Variants in COL13A1 observed in about 807,000 individuals in gnomAD.
COL13A1 encodes the protein collagen type XIII alpha 1 chain.
A neutral mutation model predicts 130.9 loss-of-function variants in COL13A1; 89 were observed. The observed-to-expected ratio is 0.68, with a 90% CI of 0.57 to 0.81. COL13A1 has a LOEUF of 0.81. Among genes scored for constraint, COL13A1 ranks in the 30% least tolerant of loss-of-function variants. The pLI is 0.00. For synonymous variants in COL13A1, 402 were observed against 341.6 expected, an observed-to-expected ratio of 1.18 and a Z score of -1.95; for missense variants, 879 against 934.6, an observed-to-expected ratio of 0.94 and a Z score of 0.78.
intron 2 of COL13A1, among the ~76,000 whole-genome samples, chr10:69,846,936 C>A (rs779592507): frequency 3.3e-4 from 51 of 152,338 alleles, no homozygotes; most frequent in Non-Finnish European, 6.3e-4. Context: ...TGCTTCCCAG[C>A]GGGAGCCACG....
At chr10:69,937,850 C>A in intron 34 of COL13A1, 135 bp downstream of exon 34, 1 of 595,414 alleles carries the variant, frequency 1.7e-6, no homozygotes, top group South Asian at 2.1e-5. Context: ...GTCTTTCCCA[C>A]CTGGGCAAGA....
intron 2 of COL13A1, among the ~76,000 whole-genome samples, chr10:69,863,677 C>T (rs1280160271): frequency 6.6e-6 from 1 of 152,174 alleles, no homozygotes; most frequent in African/African-American, 2.4e-5. Context: ...CCAGCCGCCC[C>T]TTCCACCCCT....
At chr10:69,947,213 G>A in intron 37 of COL13A1, 94 bp from the exon 38 acceptor site, 1 of 1,081,986 alleles carries the variant, frequency 9.2e-7, no homozygotes, top group South Asian at 1.3e-5. Context: ...AGTGAGTGAG[G>A]CATTGGGAGA....
chr10:69,808,344 C>A (rs966481579), intron 1 of COL13A1, among the ~76,000 whole-genome samples: 4 of 152,212 alleles, frequency 2.6e-5, no homozygotes, highest in African/African-American at 9.7e-5. Context: ...ACCACTCCAA[C>A]CCAATGTGGG....
chr10:69,946,738 A>G lies in COL13A1; in HGVS notation c.2023-569A>G, dbSNP rs550229992. Among the ~76,000 whole-genome samples the G allele has an allele frequency of 7.9e-4, 121 of 152,282 alleles. 1 individual carries two copies. Among genetic ancestry groups the G allele is most frequent in the African/African-American group, 2.8e-3 (117 of 41,576 alleles). On this transcript the variant is annotated intron_variant, in intron 37 of 40. Coordinates refer to ENST00000645393, the MANE Select transcript of COL13A1 (RefSeq NM_001368882.1). The stretch of plus-strand genomic sequence containing the variant: ...AGTGACCTCGGGAAAACCCAGCCAC[A>G]GGCCAGGACCTGGGCTGGAGAGGTG...
chr10:69,847,191 T>A (rs1218310826), intron 2 of COL13A1, among the ~76,000 whole-genome samples: 1 of 152,198 alleles, frequency 6.6e-6, no homozygotes, highest in Admixed American at 6.5e-5. Flanking sequence ...AGCTAGAAAT[T>A]CTTATGCTCA....
chr10:69,942,674 G>A (rs760453736), intron 35 of COL13A1, among the ~76,000 whole-genome samples: 8 of 152,198 alleles, frequency 5.3e-5, no homozygotes, highest in South Asian at 2.1e-4. Context: ...TGCTTGCTAC[G>A]CATTCATGCA....
chr10:69,863,047 C>T (rs1858646619), intron 2 of COL13A1, among the ~76,000 whole-genome samples: 1 of 152,168 alleles, frequency 6.6e-6, no homozygotes, highest in African/African-American at 2.4e-5. Flanking sequence ...TAAGGGCGTG[C>T]GTCCTAGGGA....
Position 69,802,119 on chromosome 10 carries a change from G to T in COL13A1, c.-305G>T, listed in dbSNP as rs1288756204. On this transcript the variant is annotated 5_prime_UTR_variant, in exon 1 of 41. Transcript: ENST00000645393. Reference sequence around the variant, plus strand: ...CAACTGCTCTGCAGACACTTGAAGGGAAAGACTGGGCGGAGAGAAGGAGAG... The same window carrying T: ...CAACTGCTCTGCAGACACTTGAAGGTAAAGACTGGGCGGAGAGAAGGAGAG... The T allele has an allele frequency of 1.2e-5, 4 of 336,938 alleles. No individual in the cohort carries two copies. Among genetic ancestry groups the T allele is most frequent in the Middle Eastern group, 7.8e-4 (1 of 1,276 alleles). 20.9% of individuals were successfully genotyped at this position (336,938 alleles called of 1,614,324 possible). A position where few individuals can be genotyped will look rare whatever the true frequency, so the allele number is the denominator to read the frequency against.
At chr10:69,850,875 T>C (rs1272903671) in intron 2 of COL13A1, among the ~76,000 whole-genome samples, 1 of 151,902 alleles carries the variant, frequency 6.6e-6, no homozygotes, top group African/African-American at 2.4e-5. Context: ...ATGAAGGGGG[T>C]TCTTGGACAA....
At chr10:69,901,252 C>A (rs1215640348) in intron 14 of COL13A1, among the ~76,000 whole-genome samples, 1 of 152,212 alleles carries the variant, frequency 6.6e-6, no homozygotes, top group Non-Finnish European at 1.5e-5. Flanking sequence ...GCCATGGACA[C>A]CCTGAGCCCT....
At chr10:69,846,238 A>C (rs897938448) in intron 2 of COL13A1, among the ~76,000 whole-genome samples, 20 of 152,208 alleles carry the variant, frequency 1.3e-4, no homozygotes, top group Admixed American at 9.8e-4. Context: ...GGTGGTCCCA[A>C]GACAGGGTCC....
chr10:69,855,928 T>A (rs1856329947), intron 2 of COL13A1, among the ~76,000 whole-genome samples: 1 of 152,126 alleles, frequency 6.6e-6, no homozygotes, highest in South Asian at 2.1e-4. Flanking sequence ...TGTAGTCAGA[T>A]GATAGCCAGT....
chr10:69,890,085 C>T (rs959335652), intron 10 of COL13A1, among the ~76,000 whole-genome samples: 1 of 152,188 alleles, frequency 6.6e-6, no homozygotes, highest in African/African-American at 2.4e-5. Context: ...GATGGATCTG[C>T]CCAGGGTACC....
intron 2 of COL13A1, among the ~76,000 whole-genome samples, chr10:69,825,339 C>A (rs1320292900): frequency 6.6e-6 from 1 of 152,222 alleles, no homozygotes; most frequent in Non-Finnish European, 1.5e-5. Flanking sequence ...GGCTCCTGAT[C>A]CTTGCAGAAG....
intron 2 of COL13A1, among the ~76,000 whole-genome samples, chr10:69,824,931 G>C (rs73265651): frequency 6.6e-6 from 1 of 152,158 alleles, no homozygotes; most frequent in East Asian, 1.9e-4. Context: ...ATGGCCACAC[G>C]GAAGCATTTC....
chr10:69,943,568 C>G (rs992266717), intron 35 of COL13A1, among the ~76,000 whole-genome samples: 14 of 152,180 alleles, frequency 9.2e-5, no homozygotes, highest in Non-Finnish European at 1.9e-4. Context: ...AATTCACCCC[C>G]CGATCCAGCC....
At chr10:69,931,340 G>T in intron 30 of COL13A1, 3 of 400,638 alleles carry the variant, frequency 7.5e-6, no homozygotes, top group South Asian at 1.8e-5. Context: ...CCTAGTGGGT[G>T]CCTGACACTG....
chr10:69,846,817 G>A (rs1311393731), intron 2 of COL13A1, among the ~76,000 whole-genome samples: 6 of 152,344 alleles, frequency 3.9e-5, no homozygotes. Context: ...CTCCTCTGCC[G>A]TGGCTGCTGG....
Sources: gnomAD v4.1 joint callset for allele counts (sites outside exome capture counted in the v4.1 genomes callset) on GRCh38, gnomAD v4.1.1 for gene constraint, MANE v1.5 for transcripts, NCBI Gene and HGNC (gene_info 2026-07-23, HGNC 2026-07-21) for gene names.